Variants in ADAMTS14 observed in about 807,000 individuals in gnomAD.
ADAMTS14 encodes ADAM metallopeptidase with thrombospondin type 1 motif 14, also known as A disintegrin and metalloproteinase with thrombospondin motifs 14.
ADAMTS14 carries 100 observed loss-of-function variants against 128.6 expected under a neutral mutation model. The ratio of observed to expected loss-of-function variants is 0.78; its 90% CI spans 0.66 to 0.92. The LOEUF is 0.92. Ranked by LOEUF, ADAMTS14 falls within the 40% of genes least tolerant of loss-of-function variation. The pLI is 0.00. For missense variants in ADAMTS14, 1,562 were observed against 1,658.6 expected (o/e 0.94, Z 1.01); for synonymous variants, 665 against 653.8 (o/e 1.02, Z -0.26).
At chr10:70,699,689 C>T (rs146819115) in intron 2 of ADAMTS14, among the ~76,000 whole-genome samples, 95 of 152,256 alleles carry the variant, frequency 6.2e-4, no homozygotes, top group Admixed American at 5.5e-3. Flanking sequence ...CTGGAGGCCA[C>T]GTGGAGTCAC....
intron 15 of ADAMTS14, among the ~76,000 whole-genome samples, chr10:70,748,396 G>T (rs1488731244): frequency 6.6e-6 from 1 of 152,252 alleles, no homozygotes; most frequent in Non-Finnish European, 1.5e-5. Flanking sequence ...AGCTTAGACA[G>T]TCTGGAGCTG....
In ADAMTS14 at chr10:70,753,788, C is replaced by T. The variant is rs200431906; in HGVS notation, c.2730-12C>T. ...CTTGGTCTCACCTCCTCTCCTTTCACCCTGTTTCCAGGTGGGTGACGGAGG... is the reference window on the plus strand; with the variant it reads ...CTTGGTCTCACCTCCTCTCCTTTCATCCTGTTTCCAGGTGGGTGACGGAGG... On this transcript the variant is annotated splice_polypyrimidine_tract_variant and intron_variant, in intron 18 of 21. Coordinates refer to ENST00000373207, the MANE Select transcript of ADAMTS14 (RefSeq NM_080722.4). 8.8e-4 allele frequency: 1,372 copies of T among 1,556,642 alleles called. No individual in the cohort carries two copies. Among genetic ancestry groups the T allele is most frequent in the Non-Finnish European group, 1.1e-3 (1,235 of 1,148,256 alleles).
chr10:70,707,899 G>T (rs58949570), intron 3 of ADAMTS14, among the ~76,000 whole-genome samples: 98 of 152,306 alleles, frequency 6.4e-4, no homozygotes, highest in African/African-American at 2.2e-3. Flanking sequence ...TTTGTGCTTC[G>T]GTGGCAGAAT....
intron 4 of ADAMTS14, among the ~76,000 whole-genome samples, chr10:70,721,859 C>G (rs1841278451): frequency 6.6e-6 from 1 of 152,192 alleles, no homozygotes; most frequent in East Asian, 1.9e-4. Flanking sequence ...CCATCGAGAG[C>G]AGGGATGGTG....
intron 14 of ADAMTS14, 143 bp downstream of exon 14, chr10:70,744,332 T>A: frequency 1.7e-6 from 2 of 1,193,168 alleles, no homozygotes; most frequent in Non-Finnish European, 2.2e-6. Flanking sequence ...CTTCCTGGGC[T>A]GCCCAGGCTG....
chr10:70,672,546 C>G lies in ADAMTS14; in HGVS notation c.-257C>G, dbSNP rs905944152. Among the ~76,000 whole-genome samples the G allele has an allele frequency of 5.3e-5, 8 of 150,796 alleles. No homozygotes were observed. The highest frequency in any genetic ancestry group is 1.9e-4 in the African/African-American group (8 of 41,310). Reference sequence around the variant, plus strand: ...TGACCGACCAGCCGGCAGTTGGCACCGGGTGCGCTGGCGCGTCAGTGGCCC... The same window carrying G: ...TGACCGACCAGCCGGCAGTTGGCACGGGGTGCGCTGGCGCGTCAGTGGCCC... On this transcript the variant is annotated 5_prime_UTR_variant, in exon 1 of 22. Coordinates refer to ENST00000373207, the MANE Select transcript of ADAMTS14 (RefSeq NM_080722.4).
At chr10:70,676,421 C>T (rs1839649324) in intron 2 of ADAMTS14, among the ~76,000 whole-genome samples, 1 of 152,228 alleles carries the variant, frequency 6.6e-6, no homozygotes, top group African/African-American at 2.4e-5. Context: ...AATAAATTTT[C>T]ATCCCATTGA....
intron 3 of ADAMTS14, 99 bp downstream of exon 3, chr10:70,702,567 C>T: frequency 6.9e-7 from 1 of 1,440,958 alleles, no homozygotes; most frequent in Non-Finnish European, 9.3e-7. Context: ...TGGCCTCAGT[C>T]TTCTTATCTG....
chr10:70,735,421 C>T lies in ADAMTS14; in HGVS notation c.1485+120C>T. 11 of 1,377,028 alleles carry T rather than the reference C, an allele frequency of 8.0e-6. No individual in the cohort carries two copies. The South Asian group carries it at 1.6e-4, about 20-fold the overall frequency. 85.3% of individuals were successfully genotyped at this position (1,377,028 alleles called of 1,614,324 possible). A position where few individuals can be genotyped will look rare whatever the true frequency, so the allele number is the denominator to read the frequency against. On this transcript the variant is annotated intron_variant, in intron 9 of 21. Coordinates refer to ENST00000373207, the MANE Select transcript of ADAMTS14 (RefSeq NM_080722.4). Reference sequence around the variant, plus strand: ...GCTGGCCAGTGGGCCTGGTGATGGGCCCACAGACACAGTGCCAGCCACCAT... The same window carrying T: ...GCTGGCCAGTGGGCCTGGTGATGGGTCCACAGACACAGTGCCAGCCACCAT...
Position 70,736,758 on chromosome 10 carries a change from C to A in ADAMTS14, c.1564C>A (p.Pro522Thr), listed in dbSNP as rs553557226. ...NPYFCKTKKG[P>T]PLDGTECAPG... ...GTACTTCTGCAAGACCAAGAAGGGG[C>A]CCCCGCTGGATGGGACTGAGTGTGC... Residue 522 changes from proline to threonine, a missense_variant, in exon 10 of 22, where the codon CCC becomes ACC. Pro to Thr is a conservative substitution (Grantham distance 38). Transcript: ENST00000373207. The A allele has an allele frequency of 1.2e-4, 201 of 1,613,602 alleles. No individual in the cohort carries two copies. In the South Asian group the frequency reaches 2.1e-3, roughly 17 times the overall value.
At chr10:70,690,331 C>A (rs1325529872) in intron 2 of ADAMTS14, among the ~76,000 whole-genome samples, 1 of 144,424 alleles carries the variant, frequency 6.9e-6, no homozygotes, top group African/African-American at 2.4e-5. Context: ...AGGACCATGC[C>A]ACCTGTCTGG....
chr10:70,741,041 C>T lies in ADAMTS14; in HGVS notation c.1803C>T (p.Cys601=). Residue 601 remains cysteine, a synonymous_variant, in exon 12 of 22, where the codon TGC becomes TGT. Coordinates refer to ENST00000373207, the MANE Select transcript of ADAMTS14 (RefSeq NM_080722.4). ...GGCCCATGTTCGAGTACCAGGTCTGCAACAGCGAGGAGTGCCCTGGGACCT... is the reference window on the plus strand; with the variant it reads ...GGCCCATGTTCGAGTACCAGGTCTGTAACAGCGAGGAGTGCCCTGGGACCT... ...CLGPMFEYQV[C]NSEECPGTYE... is the part of the protein sequence containing the mutation. 1 of 1,614,166 alleles carries T rather than the reference C, an allele frequency of 6.2e-7. No homozygotes were observed. The highest frequency in any genetic ancestry group is 1.3e-5 in the African/African-American group (1 of 75,070).
intron 2 of ADAMTS14, among the ~76,000 whole-genome samples, chr10:70,688,844 G>A (rs1377108777): frequency 4.0e-3 from 4 of 988 alleles, no homozygotes; most frequent in African/African-American, 0.027. Flanking sequence ...GAGGGAGACC[G>A]GAGGGGGAGG....
chr10:70,714,479 C>T (rs531396037), intron 4 of ADAMTS14, among the ~76,000 whole-genome samples: 20 of 152,296 alleles, frequency 1.3e-4, no homozygotes, highest in East Asian at 3.9e-4. Flanking sequence ...TGGTGCTGTC[C>T]GTGGCTGGTG....
chr10:70,680,679 G>T (rs891307360), intron 2 of ADAMTS14, among the ~76,000 whole-genome samples: 1 of 152,184 alleles, frequency 6.6e-6, no homozygotes, highest in Admixed American at 6.5e-5. Context: ...AAAGTGTAGG[G>T]CATGGTTTAT....
At chr10:70,737,582 A>AC (rs1841866681) in intron 10 of ADAMTS14, among the ~76,000 whole-genome samples, 4 of 152,296 alleles carry the variant, frequency 2.6e-5, no homozygotes, top group Middle Eastern at 6.8e-3. Context: ...CTCCTGCCCT[A>AC]GCCAGGCTCC....
chr10:70,731,683 C>A (rs1841642980), intron 6 of ADAMTS14, among the ~76,000 whole-genome samples: 1 of 152,194 alleles, frequency 6.6e-6, no homozygotes, highest in South Asian at 2.1e-4. Flanking sequence ...TCAACTCCTT[C>A]CAAACCATTC....
Position 70,674,896 on chromosome 10 carries a change from G to A in ADAMTS14, c.423G>A (p.Arg141=), listed in dbSNP as rs1436770821. 2 of 1,613,344 alleles carry A rather than the reference G, an allele frequency of 1.2e-6. No individual in the cohort carries two copies. The highest frequency in any genetic ancestry group is 1.7e-6 in the Non-Finnish European group (2 of 1,180,030). The part of the protein sequence containing the change: ...GSSVEWQEDF[R]ELFRQPLRQE... ...CAGTGGAGTGGCAGGAGGATTTTCGGGAGCTGTTCCGGCAGCCCTTACGGC... is the reference window on the plus strand; with the variant it reads ...CAGTGGAGTGGCAGGAGGATTTTCGAGAGCTGTTCCGGCAGCCCTTACGGC... The change falls in exon 2 of 22, where the codon CGG becomes CGA. Residue 141 remains arginine, a synonymous_variant. Coordinates refer to ENST00000373207, the MANE Select transcript of ADAMTS14 (RefSeq NM_080722.4).
chr10:70,750,043 G>A (rs895278998), intron 16 of ADAMTS14, 58 bp downstream of exon 16: 29 of 1,585,706 alleles, frequency 1.8e-5, no homozygotes, highest in Middle Eastern at 2.0e-4. Context: ...CCCTTAGCTC[G>A]CTACATCTGC....
Sources: allele counts gnomAD v4.1 joint callset (sites outside exome capture counted in the v4.1 genomes callset), GRCh38; gene constraint gnomAD v4.1.1; transcripts MANE v1.5; gene names NCBI Gene and HGNC (gene_info 2026-07-23, HGNC 2026-07-21).